The following RAB40B variants were observed in gnomAD, a reference collection of about 807,000 sequenced individuals.
RAB40B encodes ras-related protein Rab-40B.
Under a neutral mutation model 24.0 loss-of-function variants are expected in RAB40B, and 21 were observed. That is an observed-to-expected ratio of 0.88 (90% confidence interval 0.62 to 1.26). The LOEUF (loss-of-function observed/expected upper bound fraction) is 1.26, where lower values mean the gene tolerates loss of function less well. RAB40B is among the 50% of genes most tolerant of loss of function. The pLI is 0.00. For synonymous variants in RAB40B, 167 were observed against 169.8 expected, an observed-to-expected ratio of 0.98 and a Z score of 0.13; for missense variants, 348 against 390.5, an observed-to-expected ratio of 0.89 and a Z score of 0.92.
In RAB40B at chr17:82,658,667, A is replaced by G; in HGVS notation, c.389T>C (p.Leu130Pro). The G allele has an allele frequency of 6.2e-7, 1 of 1,613,282 alleles. No homozygotes were observed. The highest frequency in any genetic ancestry group is 8.5e-7 in the Non-Finnish European group (1 of 1,179,912). Residue 130 changes from leucine (L) to proline (P), a missense_variant, in exon 5 of 6, where the codon CTG (leucine) becomes CCG (proline). Physicochemically the swap from Leu to Pro is moderately conservative, Grantham distance 98. Transcript: ENST00000571995. ...PKILVGNRLH[L>P]AFKRQVPTEQ... ...CGTGGGCACCTGCCGCTTGAACGCC[A>G]GGTGCAGGCGGTTCCCCACCAGGAT...
rs996368240 is a variant in RAB40B, at chr17:82,675,463, C to T, written c.143-10907G>A. On this transcript the variant is annotated intron_variant, in intron 1 of 5. Coordinates refer to ENST00000571995, the MANE Select transcript of RAB40B (RefSeq NM_006822.3). This position sits in a 1 kb window ranked among gnomAD's most constrained non-coding sequence, Gnocchi z 4.5. ...CTATTCTGCTCCCGTGGATGGCACT[C>T]CCTTTACCCCATACTTCAGAACTGG... Among the ~76,000 whole-genome samples the T allele has an allele frequency of 1.3e-5, 2 of 152,230 alleles. No homozygotes were observed. The highest frequency in any genetic ancestry group is 2.9e-5 in the Non-Finnish European group (2 of 68,040).
chr17:82,681,204 G>GT (rs2046446524), intron 1 of RAB40B, among the ~76,000 whole-genome samples: 1 of 151,982 alleles, frequency 6.6e-6, no homozygotes, highest in Non-Finnish European at 1.5e-5. Flanking sequence ...AGTGGTAAAT[G>GT]AGCTCCCCCA....
At chr17:82,693,287 G>A (rs761633800) in intron 1 of RAB40B, among the ~76,000 whole-genome samples, 2 of 152,040 alleles carry the variant, frequency 1.3e-5, no homozygotes, top group Admixed American at 6.6e-5. Flanking sequence ...GATTGCAGAC[G>A]TGAGCCACCA....
chr17:82,694,661 G>A (rs2046590709), intron 1 of RAB40B, among the ~76,000 whole-genome samples: 1 of 151,706 alleles, frequency 6.6e-6, no homozygotes, highest in South Asian at 2.1e-4. Flanking sequence ...AGAACTATGA[G>A]ACAAAAAGAA....
intron 1 of RAB40B, among the ~76,000 whole-genome samples, chr17:82,671,816 ACCC>A (rs2046340859): frequency 7.5e-5 from 1 of 13,270 alleles, no homozygotes; most frequent in African/African-American, 2.3e-4. Context: ...ACACACTCAC[ACCC>A]TGTACTCACT....
At chr17:82,683,730 G>A (rs1442606973) in intron 1 of RAB40B, among the ~76,000 whole-genome samples, 1 of 148,880 alleles carries the variant, frequency 6.7e-6, no homozygotes, top group Non-Finnish European at 1.5e-5. Flanking sequence ...CTTGAGCCCA[G>A]TAGGTGGAGA....
intron 4 of RAB40B, 124 bp downstream of exon 4, chr17:82,659,456 C>T: frequency 3.5e-6 from 3 of 861,574 alleles, no homozygotes; most frequent in Non-Finnish European, 5.6e-6. Flanking sequence ...GCTGGAGCGC[C>T]ATCCGGTGCC....
chr17:82,674,265 G>A lies in RAB40B; in HGVS notation c.143-9709C>T, dbSNP rs377175854. Among the ~76,000 whole-genome samples, 3 of 150,598 alleles carry A rather than the reference G, an allele frequency of 2.0e-5. No homozygotes were observed. In the East Asian group the frequency reaches 6.0e-4, roughly 30 times the overall value. On this transcript the variant is annotated intron_variant, in intron 1 of 5. Coordinates refer to ENST00000571995, the MANE Select transcript of RAB40B (RefSeq NM_006822.3). ...TGAGGCAGGAGAGTCACTGAGGCTG[G>A]GAGGCGGAGGTTGCAGTGAGCCAAG...
At chr17:82,669,817 G>T (rs1401454406) in intron 1 of RAB40B, among the ~76,000 whole-genome samples, 1 of 152,190 alleles carries the variant, frequency 6.6e-6, no homozygotes, top group Non-Finnish European at 1.5e-5. Flanking sequence ...TCTCGGGAAG[G>T]CACCATCATG....
chr17:82,689,966 CAA>C (rs34923378), intron 1 of RAB40B, among the ~76,000 whole-genome samples: 2 of 139,794 alleles, frequency 1.4e-5, no homozygotes, highest in Non-Finnish European at 1.5e-5. Flanking sequence ...AACTTCATCT[CAA>C]AAAAAAAAAA....
chr17:82,680,671 C>T (rs148529691), intron 1 of RAB40B, among the ~76,000 whole-genome samples: 1 of 152,128 alleles, frequency 6.6e-6, no homozygotes, highest in South Asian at 2.1e-4. Context: ...GTAGTAATAC[C>T]TATAATGATA....
chr17:82,656,233 A>G lies in RAB40B; in HGVS notation c.*1630T>C, dbSNP rs982367349. On this transcript the variant is annotated 3_prime_UTR_variant, in exon 6 of 6. Transcript: ENST00000571995. Reference sequence around the variant, plus strand: ...AGTGCTGGGATTACAGGTGTGAGCCATCACACCCAGCTGGGTCCCTTAAGT... The same window carrying G: ...AGTGCTGGGATTACAGGTGTGAGCCGTCACACCCAGCTGGGTCCCTTAAGT... The G allele has an allele frequency of 1.3e-5, 2 of 152,154 alleles. No homozygotes were observed. The highest frequency in any genetic ancestry group is 4.8e-5 in the African/African-American group (2 of 41,418). The allele number at this position is 152,154 out of a possible 1,614,324, so 9.4% of individuals were successfully genotyped here.
chr17:82,663,349 G>T lies in RAB40B; in HGVS notation c.203+1147C>A, dbSNP rs1179296616. ...GAAGGGCCAGGAGGCTCAGGCGAGG[G>T]TCACCCAGGAGTGGCAGCAGTGCAG... On this transcript the variant is annotated intron_variant, in intron 2 of 5. Coordinates refer to ENST00000571995, the MANE Select transcript of RAB40B (RefSeq NM_006822.3). The surrounding 1 kb of genome is among the most constrained non-coding windows in gnomAD (Gnocchi z 6.2). 6.6e-6 allele frequency among the ~76,000 whole-genome samples: 1 copy of T among 152,136 alleles called. No homozygotes were observed. Among genetic ancestry groups the T allele is most frequent in the Non-Finnish European group, 1.5e-5 (1 of 67,996 alleles).
intron 1 of RAB40B, among the ~76,000 whole-genome samples, chr17:82,693,623 T>C (rs1372430461): frequency 6.6e-6 from 1 of 152,078 alleles, no homozygotes; most frequent in Non-Finnish European, 1.5e-5. Context: ...CAAACCATAA[T>C]AGTCAGAAAC....
intron 1 of RAB40B, among the ~76,000 whole-genome samples, chr17:82,684,970 C>T (rs950891721): frequency 5.3e-5 from 8 of 151,320 alleles, no homozygotes; most frequent in South Asian, 4.2e-4. Flanking sequence ...AAAAATTACC[C>T]GGGCGTGGTG....
chr17:82,664,414 A>G (rs2279393), intron 2 of RAB40B, 82 bp downstream of exon 2: 226,056 of 1,367,830 alleles, frequency 0.17, 19,378 homozygotes, highest in South Asian at 0.26. Context: ...TCCCCGGGGC[A>G]CTGTGCTGAC....
chr17:82,656,210 T>C lies in RAB40B; in HGVS notation c.*1653A>G, dbSNP rs2046085280. 6.6e-6 allele frequency: 1 copy of C among 152,124 alleles called. No homozygotes were observed. Among genetic ancestry groups the C allele is most frequent in the Admixed American group, 6.6e-5 (1 of 15,256 alleles). The allele number at this position is 152,124 out of a possible 1,614,324, so 9.4% of individuals were successfully genotyped here. A position where few individuals can be genotyped will look rare whatever the true frequency, so the allele number is the denominator to read the frequency against. ...ATCCGGCTGCCTCGGCCTCCTGAAG[T>C]GCTGGGATTACAGGTGTGAGCCATC... On this transcript the variant is annotated 3_prime_UTR_variant, in exon 6 of 6. Coordinates refer to ENST00000571995, the MANE Select transcript of RAB40B (RefSeq NM_006822.3).
intron 1 of RAB40B, among the ~76,000 whole-genome samples, chr17:82,669,471 G>A (rs7219091): frequency 0.2 from 30,390 of 151,566 alleles, 3,233 homozygotes; most frequent in African/African-American, 0.24. Flanking sequence ...GCGAAACTCT[G>A]TCTCAAAAAA....
intron 1 of RAB40B, among the ~76,000 whole-genome samples, chr17:82,676,443 C>A (rs113925433): frequency 1.8e-4 from 27 of 150,170 alleles, no homozygotes; most frequent in South Asian, 4.3e-4. Flanking sequence ...CCTCTCCCCC[C>A]CCACACAGGG....
Sources: gnomAD v4.1 joint callset for allele counts (sites outside exome capture counted in the v4.1 genomes callset) on GRCh38, gnomAD v4.1.1 for gene constraint, Gnocchi (gnomAD v3.1) non-coding constraint, MANE v1.5 for transcripts, NCBI Gene and HGNC (gene_info 2026-07-23, HGNC 2026-07-21) for gene names.